Variants in CAMK2A observed in about 807,000 individuals in gnomAD.
CAMK2A encodes calcium/calmodulin dependent protein kinase II alpha, also known as calcium/calmodulin-dependent protein kinase type II subunit alpha.
CAMK2A carries 7 observed loss-of-function variants against 79.2 expected under a neutral mutation model. The ratio of observed to expected loss-of-function variants is 0.09; its 90% confidence interval spans 0.05 to 0.17. The LOEUF (loss-of-function observed/expected upper bound fraction) is 0.17, where lower values mean the gene tolerates loss of function less well. CAMK2A is among the 10% of genes least tolerant of loss of function. The probability of loss-of-function intolerance (pLI) is 1.00; values close to 1 mark genes in which losing one functional copy is unlikely to be tolerated. For synonymous variants in CAMK2A, 242 were observed against 251.7 expected (o/e 0.96, Z 0.36); for missense variants, 214 against 646.4 (o/e 0.33, Z 7.25).
intron 1 of CAMK2A, among the ~76,000 whole-genome samples, chr5:150,287,880 C>T (rs1422534834): frequency 6.6e-6 from 1 of 151,992 alleles, no homozygotes; most frequent in African/African-American, 2.4e-5. Context: ...AGTGAACACA[C>T]GTACACATGG....
intron 13 of CAMK2A, among the ~76,000 whole-genome samples, chr5:150,243,436 C>T (rs1755434591): frequency 6.6e-6 from 1 of 152,190 alleles, no homozygotes; most frequent in Non-Finnish European, 1.5e-5. Flanking sequence ...GCACATCCCT[C>T]TATTACCCCT....
In CAMK2A at chr5:150,253,682, C is replaced by T. The variant is rs79518740; in HGVS notation, c.412-136G>A. On this transcript the variant is annotated intron_variant, in intron 6 of 18. Transcript: ENST00000671881. Reference sequence around the variant, plus strand: ...CCTCCGGGGCCCCTGCTTTCATCTCCAGCCCCGCCTCAGGCTCCTGAGTCT... The same window carrying T: ...CCTCCGGGGCCCCTGCTTTCATCTCTAGCCCCGCCTCAGGCTCCTGAGTCT... The T allele has an allele frequency of 2.8e-3, 1,892 of 685,890 alleles. 31 individuals are homozygous for T. The African/African-American group carries it at 0.03, about 11-fold the overall frequency. 42.5% of individuals were successfully genotyped at this position (685,890 alleles called of 1,614,324 possible). A position where few individuals can be genotyped will look rare whatever the true frequency, so the allele number is the denominator to read the frequency against.
At position 150,223,420 on chromosome 5, in the gene CAMK2A, A is replaced by G. The variant is rs1754445866; in HGVS notation, c.1238-203T>C. On this transcript the variant is annotated intron_variant, in intron 17 of 18. Transcript: ENST00000671881. The surrounding 1 kb of genome is among the most constrained non-coding windows in gnomAD (Gnocchi z 4.1). The stretch of plus-strand genomic sequence containing the variant: ...TGATGGGGACATCACATCCTAGTTT[A>G]GATACAGTGGAGTTCAGACATGCAG... Among the ~76,000 whole-genome samples the G allele has an allele frequency of 6.6e-6, 1 of 152,200 alleles. No individual in the cohort carries two copies. The highest frequency in any genetic ancestry group is 2.1e-4 in the South Asian group (1 of 4,822).
At chr5:150,268,033 C>A (rs1756587465) in intron 2 of CAMK2A, among the ~76,000 whole-genome samples, 2 of 152,036 alleles carry the variant, frequency 1.3e-5, no homozygotes, top group Non-Finnish European at 2.9e-5. Context: ...GCCACCATGC[C>A]AGGCTAATAT....
intron 2 of CAMK2A, among the ~76,000 whole-genome samples, chr5:150,265,944 AAAAAG>A (rs1554123360): frequency 5.9e-5 from 9 of 152,042 alleles, no homozygotes; most frequent in African/African-American, 2.2e-4. Context: ...CAAAAAAAAA[AAAAAG>A]AAAAGAAAAG....
chr5:150,234,060 G>A (rs768272994), intron 15 of CAMK2A, among the ~76,000 whole-genome samples: 7 of 152,132 alleles, frequency 4.6e-5, no homozygotes, highest in Non-Finnish European at 7.4e-5. Context: ...TGATCTGCCC[G>A]CCTTGGCCTC....
chr5:150,235,262 C>T (rs1755010452), intron 15 of CAMK2A, among the ~76,000 whole-genome samples: 1 of 152,284 alleles, frequency 6.6e-6, no homozygotes, highest in Non-Finnish European at 1.5e-5. Flanking sequence ...TTCTGTGGGA[C>T]AGAAGATCTG....
chr5:150,273,466 G>A (rs948144399), intron 1 of CAMK2A, among the ~76,000 whole-genome samples: 1 of 152,196 alleles, frequency 6.6e-6, no homozygotes, highest in African/African-American at 2.4e-5. Context: ...TGGAATCCAG[G>A]TCTCTGAACA....
At chr5:150,259,320 G>T (rs1413360002) in intron 3 of CAMK2A, among the ~76,000 whole-genome samples, 2 of 152,090 alleles carry the variant, frequency 1.3e-5, no homozygotes, top group Admixed American at 1.3e-4. Context: ...AGCAGTTCAA[G>T]ACCAACCTGG....
intron 17 of CAMK2A, among the ~76,000 whole-genome samples, chr5:150,226,564 C>G (rs543956415): frequency 1.0e-3 from 155 of 151,742 alleles, no homozygotes; most frequent in African/African-American, 3.5e-3. Context: ...TGGTGAAACC[C>G]CGTCTCCACT....
chr5:150,269,771 C>T (rs1364404978), intron 2 of CAMK2A, among the ~76,000 whole-genome samples: 1 of 152,178 alleles, frequency 6.6e-6, no homozygotes, highest in Non-Finnish European at 1.5e-5. Flanking sequence ...CTGCTCCCTG[C>T]ATAGGACAGC....
Position 150,223,120 on chromosome 5 carries a change from G to A in CAMK2A, c.1335C>T (p.Ile445=). The A allele has an allele frequency of 6.2e-7, 1 of 1,614,178 alleles. No individual in the cohort carries two copies. Among genetic ancestry groups the A allele is most frequent in the South Asian group, 1.1e-5 (1 of 91,092 alleles). ...DESACIAYIR[I]TQYLDAGGIP... ...TGCCGCCAGCGTCCAGGTACTGCGT[G>A]ATGCGGATGTAGGCGATGCAGGCTG... The change falls in exon 18 of 19, where the codon ATC becomes ATT. Residue 445 remains isoleucine, a synonymous_variant. Transcript: ENST00000671881. The surrounding 1 kb of genome is among the most constrained non-coding windows in gnomAD (Gnocchi z 4.1).
intron 12 of CAMK2A, among the ~76,000 whole-genome samples, chr5:150,246,642 ACT>A (rs1198208866): frequency 1.3e-5 from 2 of 152,046 alleles, no homozygotes; most frequent in East Asian, 1.9e-4. Flanking sequence ...TTAAAAAAAG[ACT>A]CTGACTATCT....
chr5:150,251,097 G>A (rs988071297), intron 9 of CAMK2A, among the ~76,000 whole-genome samples: 1 of 152,230 alleles, frequency 6.6e-6, no homozygotes, highest in South Asian at 2.1e-4. Flanking sequence ...GAATCAAAAG[G>A]CCTGGATTCA....
intron 1 of CAMK2A, among the ~76,000 whole-genome samples, chr5:150,281,369 G>A (rs1183414493): frequency 6.6e-6 from 1 of 152,236 alleles, no homozygotes; most frequent in African/African-American, 2.4e-5. Context: ...CACCCAGGAC[G>A]TGGAACCCAG....
chr5:150,256,936 C>A lies in CAMK2A; in HGVS notation c.273-105G>T. On this transcript the variant is annotated intron_variant, in intron 4 of 18. Transcript: ENST00000671881. The surrounding 1 kb of genome is among the most constrained non-coding windows in gnomAD (Gnocchi z 4.6). Reference sequence around the variant, plus strand: ...GGATGGGGCCCAGGGACCTCAGGACCTCAGCCACAAAAGGAGGGGCCCCAG... The same window carrying A: ...GGATGGGGCCCAGGGACCTCAGGACATCAGCCACAAAAGGAGGGGCCCCAG... The A allele has an allele frequency of 1.1e-6, 1 of 948,720 alleles. No homozygotes were observed. The highest frequency in any genetic ancestry group is 1.7e-5 in the South Asian group (1 of 59,286). The allele number at this position is 948,720 out of a possible 1,614,324, so 58.8% of individuals were successfully genotyped here. A position where few individuals can be genotyped will look rare whatever the true frequency, so the allele number is the denominator to read the frequency against.
intron 4 of CAMK2A, among the ~76,000 whole-genome samples, chr5:150,257,047 C>T (rs1458037079): frequency 6.6e-6 from 1 of 152,166 alleles, no homozygotes; most frequent in East Asian, 1.9e-4. Context: ...CCTCCTCCAT[C>T]CCCGGCCCTT....
At chr5:150,231,218 C>G (rs764960293) in intron 16 of CAMK2A, 87 bp downstream of exon 16, 1 of 613,434 alleles carries the variant, frequency 1.6e-6, no homozygotes, top group Non-Finnish European at 2.8e-6. Context: ...GGATGAGGAT[C>G]GGAGACAAGG....
intron 12 of CAMK2A, among the ~76,000 whole-genome samples, chr5:150,247,009 G>A (rs371401386): frequency 1.3e-5 from 2 of 152,198 alleles, no homozygotes; most frequent in East Asian, 3.9e-4. Context: ...CCTCTGGAGG[G>A]CACTGGCCCC....
Sources: gnomAD v4.1 joint callset for allele counts (sites outside exome capture counted in the v4.1 genomes callset) on GRCh38, gnomAD v4.1.1 for gene constraint, Gnocchi (gnomAD v3.1) non-coding constraint, MANE v1.5 for transcripts, NCBI Gene and HGNC (gene_info 2026-07-23, HGNC 2026-07-21) for gene names.